KLHL32: variants seen among roughly 807,000 people sequenced by gnomAD.
KLHL32 encodes kelch-like protein 32.
In KLHL32, 35 loss-of-function variants were observed where a neutral mutation model predicts 64.8. The observed-to-expected ratio is 0.54, with a 90% CI of 0.41 to 0.72. The LOEUF (loss-of-function observed/expected upper bound fraction) is 0.72. Among genes scored for constraint, KLHL32 ranks in the 30% least tolerant of loss-of-function variants. The pLI, the probability that KLHL32 is intolerant of heterozygous loss-of-function variation, is 0.00. For synonymous variants in KLHL32, 259 were observed against 281.0 expected (o/e 0.92, Z 0.78); for missense variants, 589 against 768.5 (o/e 0.77, Z 2.76).
rs140246562 is a variant in KLHL32, at chr6:97,114,053, G to A, written c.898G>A (p.Glu300Lys). The change falls in exon 7 of 11, where the codon GAG becomes AAG. Residue 300 changes from glutamate to lysine, a missense_variant. This residue lies in a region of KLHL32 where 226 missense variants were observed against 353.2 expected (regional missense o/e 0.64). Coordinates refer to ENST00000369261, the MANE Select transcript of KLHL32 (RefSeq NM_052904.4). The stretch of plus-strand genomic sequence containing the variant: ...GTATATCATTGGTGGGAAAAAGCGC[G>A]AGGTCTGCAAGGTCAAGGAACTTCG... ...TLYIIGGKKR[E>K]VCKVKELRYF... 3.1e-6 allele frequency: 5 copies of A among 1,614,174 alleles called. No individual in the cohort carries two copies. Among genetic ancestry groups the A allele is most frequent in the South Asian group, 1.1e-5 (1 of 91,088 alleles).
upstream of KLHL32, among the ~76,000 whole-genome samples, chr6:96,922,740 G>A (rs142226906): frequency 9.7e-3 from 1,472 of 152,302 alleles, 35 homozygotes; most frequent in African/African-American, 0.034. Flanking sequence ...GTACCTAAGA[G>A]AGAAATGGTG....
intron 1 of KLHL32, among the ~76,000 whole-genome samples, chr6:96,958,771 A>AT (rs1039192773): frequency 7.8e-6 from 1 of 127,952 alleles, no homozygotes; most frequent in African/African-American, 3.0e-5. Flanking sequence ...AGAAAGGGTC[A>AT]TATCTGACAG....
intron 3 of KLHL32, among the ~76,000 whole-genome samples, chr6:96,990,979 CA>C (rs1461151418): frequency 1.3e-5 from 2 of 151,696 alleles, no homozygotes; most frequent in African/African-American, 4.8e-5. Flanking sequence ...CACAGAGAAT[CA>C]CAGACCCGTT....
At chr6:97,123,756 A>G (rs1300690292) in intron 7 of KLHL32, among the ~76,000 whole-genome samples, 1 of 152,190 alleles carries the variant, frequency 6.6e-6, no homozygotes, top group Admixed American at 6.5e-5. Flanking sequence ...AGAGGAAGGC[A>G]TGGAATCTAT....
intron 3 of KLHL32, among the ~76,000 whole-genome samples, chr6:97,029,607 A>G (rs1363881413): frequency 6.6e-6 from 1 of 152,244 alleles, no homozygotes; most frequent in Admixed American, 6.5e-5. Flanking sequence ...TCACTCTTTC[A>G]TACCATTTAG....
the KLHL32 span, among the ~76,000 whole-genome samples, chr6:96,902,663 A>T: frequency 6.6e-6 from 1 of 151,970 alleles, no homozygotes; most frequent in Non-Finnish European, 1.5e-5. Context: ...AATCTTTACC[A>T]TGCCTATGTC....
At chr6:96,934,649 G>A (rs1306925546) in intron 1 of KLHL32, among the ~76,000 whole-genome samples, 2 of 152,232 alleles carry the variant, frequency 1.3e-5, no homozygotes, top group African/African-American at 2.4e-5. Context: ...TAACTAATTA[G>A]GCGGATTGCT....
chr6:96,900,549 C>G, the KLHL32 span, among the ~76,000 whole-genome samples: 137,421 of 152,326 alleles, frequency 0.9, 62,121 homozygotes, highest in East Asian at 1. Flanking sequence ...CATTAGTTCT[C>G]GGGCATAAAA....
At chr6:97,134,672 A>G (rs1016686450) in intron 10 of KLHL32, among the ~76,000 whole-genome samples, 1 of 152,212 alleles carries the variant, frequency 6.6e-6, no homozygotes, top group African/African-American at 2.4e-5. Flanking sequence ...TATTTCTACT[A>G]GTTTTAGTAT....
At chr6:96,910,991 G>T in the KLHL32 span, among the ~76,000 whole-genome samples, 1 of 152,154 alleles carries the variant, frequency 6.6e-6, no homozygotes, top group Non-Finnish European at 1.5e-5. Flanking sequence ...ATAGTTAATT[G>T]TGTAAATAAC....
Position 97,113,871 on chromosome 6 carries a change from A to G in KLHL32, c.716A>G (p.Asp239Gly). The G allele has an allele frequency of 6.2e-7, 1 of 1,614,096 alleles. No individual in the cohort carries two copies. The highest frequency in any genetic ancestry group is 8.5e-7 in the Non-Finnish European group (1 of 1,180,020). The change falls in exon 7 of 11, where the codon GAT (aspartate) becomes GGT (glycine). Residue 239 changes from aspartate (D) to glycine (G), a missense_variant. Around this residue, in one of 3 missense-constraint regions of KLHL32, gnomAD observed 226 missense variants for 353.2 expected, o/e 0.64. Transcript: ENST00000369261. ...QYIRFGLMDV[D>G]TLHTVALSHP... is the part of the protein sequence containing the mutation. ...ATCCGCTTTGGCCTAATGGATGTGGATACTCTCCATACAGTTGCCCTGTCC... is the reference window on the plus strand; with the variant it reads ...ATCCGCTTTGGCCTAATGGATGTGGGTACTCTCCATACAGTTGCCCTGTCC...
chr6:97,028,966 G>C (rs895916091), intron 3 of KLHL32, among the ~76,000 whole-genome samples: 2 of 152,304 alleles, frequency 1.3e-5, no homozygotes, highest in Admixed American at 1.3e-4. Flanking sequence ...ATAGGGATCT[G>C]AGAGGGCAAC....
intron 6 of KLHL32, among the ~76,000 whole-genome samples, chr6:97,090,632 G>A (rs1038264868): frequency 1.3e-5 from 2 of 152,148 alleles, no homozygotes; most frequent in Non-Finnish European, 2.9e-5. Context: ...CTCTGGCCAG[G>A]AAGAAGCAAG....
At chr6:96,990,362 G>A (rs1027711714) in intron 3 of KLHL32, among the ~76,000 whole-genome samples, 5 of 152,128 alleles carry the variant, frequency 3.3e-5, no homozygotes, top group African/African-American at 1.2e-4. Flanking sequence ...ATGTTAGCAA[G>A]TATTTTTGGT....
intron 2 of KLHL32, among the ~76,000 whole-genome samples, chr6:96,971,939 G>T (rs1303082691): frequency 6.6e-6 from 1 of 152,044 alleles, no homozygotes; most frequent in Non-Finnish European, 1.5e-5. Context: ...TGCAACCTCT[G>T]CTTCCCGGGT....
rs993983491 is a variant in KLHL32 at position 97,132,754 on chromosome 6, G to C, written c.1701+7G>C. On this transcript the variant is annotated splice_region_variant and intron_variant, in intron 10 of 10. Coordinates refer to ENST00000369261, the MANE Select transcript of KLHL32 (RefSeq NM_052904.4). ...GCCTCTGGCTTGTATCCAGGTGAGT[G>C]GTAGAAGTTCCTTTTGAAGTTTGTT... is the stretch of plus-strand genomic sequence containing the variant. The C allele has an allele frequency of 2.6e-5, 42 of 1,591,086 alleles. No homozygotes were observed. The highest frequency in any genetic ancestry group is 3.6e-5 in the Non-Finnish European group (42 of 1,165,152).
chr6:97,104,439 A>C (rs1490395290), intron 6 of KLHL32, among the ~76,000 whole-genome samples: 1 of 152,230 alleles, frequency 6.6e-6, no homozygotes, highest in African/African-American at 2.4e-5. Flanking sequence ...CTAAAGGTGA[A>C]CATAATAACA....
chr6:97,026,652 T>C (rs1181623980), intron 3 of KLHL32, among the ~76,000 whole-genome samples: 1 of 152,222 alleles, frequency 6.6e-6, no homozygotes, highest in East Asian at 1.9e-4. Flanking sequence ...TGGGCATCTA[T>C]ATTTATGGTC....
chr6:96,998,431 G>A (rs1206114), intron 3 of KLHL32, among the ~76,000 whole-genome samples: 56,580 of 151,924 alleles, frequency 0.37, 12,128 homozygotes, highest in African/African-American at 0.56. Context: ...TTCAGAAAAA[G>A]AATTAATAAA....
Sources: allele counts gnomAD v4.1 joint callset (sites outside exome capture counted in the v4.1 genomes callset), GRCh38; gene constraint gnomAD v4.1.1; regional missense constraint gnomAD v4.1.1; transcripts MANE v1.5; gene names NCBI Gene and HGNC (gene_info 2026-07-23, HGNC 2026-07-21).